NBDY: variants seen among roughly 807,000 people sequenced by gnomAD.
NBDY encodes the protein negative regulator of P-body association.
chrX:56,738,449 G>C (rs1249051737), intron 2 of NBDY, among the ~76,000 whole-genome samples: 1 of 111,932 alleles, frequency 8.9e-6, no homozygotes, highest in Non-Finnish European at 1.9e-5. Flanking sequence ...CCTACAGAAA[G>C]TATCAGATCC....
intron 2 of NBDY, among the ~76,000 whole-genome samples, chrX:56,783,929 A>T (rs978951806): frequency 9.1e-6 from 1 of 110,249 alleles, no homozygotes; most frequent in African/African-American, 3.5e-5. Flanking sequence ...CTTTGGGGGA[A>T]GGTGCAACAG....
In NBDY at chrX:56,729,520, C is replaced by CA. The variant is rs2069447033; in HGVS notation, c.168dup (p.Ala57SerfsTer16). On this transcript the variant is annotated frameshift_variant, in exon 1 of 3. Coordinates refer to ENST00000374922, the MANE Select transcript of NBDY (RefSeq NM_001348129.2). LOFTEE classifies it high-confidence loss of function. ...CTACCCTCCGCACCTCCTCCTGCAT[C>CA]AGCCGGCCTGAAGTCGCACCCTCCT... 1 of 296,484 alleles carries CA rather than the reference C, an allele frequency of 3.4e-6. No homozygotes were observed. Among genetic ancestry groups the CA allele is most frequent in the Non-Finnish European group, 5.9e-6 (1 of 170,154 alleles). 24.4% of individuals were successfully genotyped at this position (296,484 alleles called of 1,213,427 possible).
chrX:56,753,644 A>C (rs2069596352), intron 2 of NBDY, among the ~76,000 whole-genome samples: 1 of 111,386 alleles, frequency 9.0e-6, no homozygotes, highest in Non-Finnish European at 1.9e-5. Context: ...CTGAATTGAC[A>C]AAAAAAAGTA....
At position 56,818,537 on chromosome X, in the gene NBDY, ACTT is replaced by A. The variant is rs2069920833; in HGVS notation, c.*1388_*1390del. 8.9e-6 allele frequency: 1 copy of A among 112,221 alleles called. No homozygotes were observed. Among genetic ancestry groups the A allele is most frequent in the Non-Finnish European group, 1.9e-5 (1 of 53,230 alleles). The allele number at this position is 112,221 out of a possible 1,213,427, so 9.2% of individuals were successfully genotyped here. On this transcript the variant is annotated 3_prime_UTR_variant, in exon 3 of 3. Coordinates refer to ENST00000374922, the MANE Select transcript of NBDY (RefSeq NM_001348129.2). ...TGAACATCACAAACAGTAAACACAG[ACTT>A]CTTTAAAAGGACATCTGGTGAAAGG...
chrX:56,766,358 C>G (rs1389671445), intron 2 of NBDY, among the ~76,000 whole-genome samples: 3 of 111,824 alleles, frequency 2.7e-5, no homozygotes, highest in Non-Finnish European at 5.6e-5. Context: ...GGGAGGCACA[C>G]ACAGACACAC....
chrX:56,761,634 T>C (rs1444256303), intron 2 of NBDY, among the ~76,000 whole-genome samples: 1 of 113,423 alleles, frequency 8.8e-6, no homozygotes, highest in East Asian at 2.8e-4. Context: ...TTCCTTCACT[T>C]TTTTCTTCTT....
intron 2 of NBDY, among the ~76,000 whole-genome samples, chrX:56,784,952 A>G (rs2069718579): frequency 8.9e-6 from 1 of 112,194 alleles, no homozygotes; most frequent in Non-Finnish European, 1.9e-5. Context: ...ACAGCTCTTC[A>G]AATATTGCAA....
chrX:56,745,386 G>A (rs1380292939), intron 2 of NBDY, among the ~76,000 whole-genome samples: 1 of 110,652 alleles, frequency 9.0e-6, no homozygotes, highest in Non-Finnish European at 1.9e-5. Context: ...GCTACATATG[G>A]CTTATCTCTT....
intron 2 of NBDY, among the ~76,000 whole-genome samples, chrX:56,782,983 A>T (rs1460810366): frequency 1.8e-5 from 2 of 111,392 alleles, no homozygotes; most frequent in Non-Finnish European, 3.8e-5. Flanking sequence ...ATACACACAG[A>T]CACACACACA....
At chrX:56,781,863 C>G (rs182216759) in intron 2 of NBDY, among the ~76,000 whole-genome samples, 3 of 111,660 alleles carry the variant, frequency 2.7e-5, no homozygotes, top group African/African-American at 9.8e-5. Flanking sequence ...CCCTGGTGTC[C>G]GATTCCTCCC....
chrX:56,749,402 A>T lies in NBDY; in HGVS notation c.*166+17203A>T, dbSNP rs1602652454. Among the ~76,000 whole-genome samples, 4 of 111,334 alleles carry T rather than the reference A, an allele frequency of 3.6e-5. No homozygotes were observed. The Admixed American group carries it at 3.8e-4, about 11-fold the overall frequency. ...ATAAGCAAGTTTTTAATACACACTA[A>T]CTTTTCCAGGAATGTAACTACCATG... On this transcript the variant is annotated intron_variant, in intron 2 of 2. Coordinates refer to ENST00000374922, the MANE Select transcript of NBDY (RefSeq NM_001348129.2).
intron 2 of NBDY, among the ~76,000 whole-genome samples, chrX:56,752,031 AT>A (rs2069588175): frequency 8.9e-6 from 1 of 112,090 alleles, no homozygotes; most frequent in Non-Finnish European, 1.9e-5. Flanking sequence ...AGAGGACATA[AT>A]TTCATTGTTT....
intron 2 of NBDY, among the ~76,000 whole-genome samples, chrX:56,751,404 T>C (rs2069584824): frequency 8.9e-6 from 1 of 112,183 alleles, no homozygotes; most frequent in African/African-American, 3.2e-5. Flanking sequence ...AATAACTTGG[T>C]GAATGTACAT....
chrX:56,766,563 A>C (rs1389338567), intron 2 of NBDY, among the ~76,000 whole-genome samples: 13 of 112,222 alleles, frequency 1.2e-4, no homozygotes, highest in Admixed American at 9.4e-5. Context: ...ACATCGCCAC[A>C]GGCATGCGAC....
intron 1 of NBDY, among the ~76,000 whole-genome samples, chrX:56,731,654 A>G (rs767486905): frequency 8.9e-6 from 1 of 112,111 alleles, no homozygotes; most frequent in South Asian, 3.7e-4. Context: ...TGCAGTAGCT[A>G]CATAATTTCC....
chrX:56,781,719 G>C (rs772213224), intron 2 of NBDY, among the ~76,000 whole-genome samples: 2 of 112,074 alleles, frequency 1.8e-5, no homozygotes, highest in Non-Finnish European at 3.8e-5. Flanking sequence ...ACGGGGACAT[G>C]GTTAAGGAAA....
intron 2 of NBDY, among the ~76,000 whole-genome samples, chrX:56,757,411 G>T (rs1249571734): frequency 8.9e-6 from 1 of 112,262 alleles, no homozygotes; most frequent in Non-Finnish European, 1.9e-5. Context: ...AACAAAAATT[G>T]TAACCACTAA....
At chrX:56,732,401 G>A (rs910825482) in intron 2 of NBDY, among the ~76,000 whole-genome samples, 13 of 111,600 alleles carry the variant, frequency 1.2e-4, no homozygotes, top group African/African-American at 4.2e-4. Context: ...TGTACTTATA[G>A]TTTCTATTAT....
At chrX:56,741,548 G>C (rs1569284316) in intron 2 of NBDY, among the ~76,000 whole-genome samples, 1 of 111,864 alleles carries the variant, frequency 8.9e-6, no homozygotes, top group Non-Finnish European at 1.9e-5. Flanking sequence ...ATTGAAGTGA[G>C]ATAATATCCC....
Sources: allele counts gnomAD v4.1 joint callset (sites outside exome capture counted in the v4.1 genomes callset), GRCh38; gene constraint gnomAD v4.1.1; transcripts MANE v1.5; gene names NCBI Gene and HGNC (gene_info 2026-07-23, HGNC 2026-07-21).